SOX5: variants seen among roughly 807,000 people sequenced by gnomAD.
SOX5 encodes transcription factor SOX-5.
In SOX5, 9 loss-of-function variants were observed where a neutral mutation model predicts 92.0. That is an observed-to-expected ratio of 0.10 (90% CI 0.06 to 0.17). The LOEUF (loss-of-function observed/expected upper bound fraction) is 0.17, where lower values mean the gene tolerates loss of function less well. Ranked by LOEUF, SOX5 falls within the 10% of genes least tolerant of loss-of-function variation. The pLI is 1.00. For missense variants in SOX5, 642 were observed against 944.5 expected, an observed-to-expected ratio of 0.68 and a Z score of 4.20; for synonymous variants, 344 against 336.3, an observed-to-expected ratio of 1.02 and a Z score of -0.25.
intron 2 of SOX5, among the ~76,000 whole-genome samples, chr12:24,348,049 C>CAAAAAAAAAAAAAAAA (rs1182462748): frequency 4.1e-5 from 3 of 72,722 alleles, no homozygotes; most frequent in African/African-American, 9.5e-5. Context: ...TACAGCTAAT[C>CAAAAAAAAAAAAAAAA]AAAAAAAAAA....
At chr12:23,631,236 T>G (rs2078494318) in intron 8 of SOX5, among the ~76,000 whole-genome samples, 2 of 152,086 alleles carry the variant, frequency 1.3e-5, no homozygotes, top group African/African-American at 4.8e-5. Context: ...ATAACTCTTA[T>G]TTAGGTAAAA....
intron 4 of SOX5, among the ~76,000 whole-genome samples, chr12:24,048,626 A>G (rs1245881058): frequency 6.6e-6 from 1 of 152,246 alleles, no homozygotes; most frequent in Non-Finnish European, 1.5e-5. Flanking sequence ...TCAACTGATA[A>G]ATGGATAAAT....
intron 8 of SOX5, among the ~76,000 whole-genome samples, chr12:23,636,766 G>A (rs1449383477): frequency 1.3e-5 from 2 of 152,226 alleles, no homozygotes; most frequent in East Asian, 3.9e-4. Flanking sequence ...CAGCATTATT[G>A]TTATAATTTC....
At chr12:23,639,389 T>C (rs952785543) in intron 8 of SOX5, among the ~76,000 whole-genome samples, 3 of 152,200 alleles carry the variant, frequency 2.0e-5, no homozygotes, top group Admixed American at 6.5e-5. Flanking sequence ...GCTAATCCAA[T>C]GGTCAAAGGA....
intron 2 of SOX5, among the ~76,000 whole-genome samples, chr12:24,337,525 A>G (rs1206949530): frequency 1.3e-5 from 2 of 151,862 alleles, no homozygotes; most frequent in Non-Finnish European, 2.9e-5. Context: ...TTTTTAGTAG[A>G]GACAGGGTTT....
chr12:24,171,716 G>T (rs920640853), intron 4 of SOX5, among the ~76,000 whole-genome samples: 1 of 152,048 alleles, frequency 6.6e-6, no homozygotes, highest in Non-Finnish European at 1.5e-5. Flanking sequence ...GGGACCCTTT[G>T]GCCAGGTGCA....
chr12:24,068,680 A>ATG (rs367765179), intron 4 of SOX5, among the ~76,000 whole-genome samples: 1,630 of 62,468 alleles, frequency 0.026, 87 homozygotes, highest in East Asian at 0.086. Context: ...TCAAAGTCGT[A>ATG]TGTGTGTGTG....
intron 2 of SOX5, among the ~76,000 whole-genome samples, chr12:23,886,919 G>T (rs1036105781): frequency 1.3e-5 from 2 of 152,114 alleles, no homozygotes; most frequent in Non-Finnish European, 2.9e-5. Flanking sequence ...AACATAATTT[G>T]GGAAACAATA....
At chr12:24,154,399 G>A (rs980521989) in intron 4 of SOX5, among the ~76,000 whole-genome samples, 5 of 152,122 alleles carry the variant, frequency 3.3e-5, no homozygotes, top group African/African-American at 9.7e-5. Context: ...AGATACATGC[G>A]TAATGCAAAG....
chr12:23,553,347 A>C (rs1592002765), intron 11 of SOX5, among the ~76,000 whole-genome samples: 1 of 151,960 alleles, frequency 6.6e-6, no homozygotes, highest in Admixed American at 6.6e-5. Context: ...AAAATAGAAA[A>C]CCGCTGCCAC....
intron 1 of SOX5, among the ~76,000 whole-genome samples, chr12:24,526,177 A>G (rs71450441): frequency 2.2e-4 from 33 of 152,068 alleles, no homozygotes; most frequent in Non-Finnish European, 4.4e-4. Context: ...AAATTAAACA[A>G]TTTTTCCCAA....
intron 3 of SOX5, among the ~76,000 whole-genome samples, chr12:24,252,107 A>G (rs1170384088): frequency 6.6e-6 from 1 of 152,200 alleles, no homozygotes. Context: ...ATGGTGGGAA[A>G]AGAAAGACAT....
At chr12:23,762,607 C>CAAA in intron 3 of SOX5, 1 of 383,784 alleles carries the variant, frequency 2.6e-6, no homozygotes, top group Non-Finnish European at 4.4e-6. Context: ...CCTGTTAATA[C>CAAA]AAAAAGAAAA....
upstream of SOX5, among the ~76,000 whole-genome samples, chr12:23,951,763 A>T (rs1945678291): frequency 6.6e-6 from 1 of 152,154 alleles, no homozygotes; most frequent in Non-Finnish European, 1.5e-5. Context: ...AAAGCTGTTA[A>T]CAAGGGATGT....
chr12:23,734,813 T>A, intron 5 of SOX5, 61 bp from the exon 6 acceptor site: 1 of 1,338,368 alleles, frequency 7.5e-7, no homozygotes, highest in Non-Finnish European at 1.1e-6. Context: ...GGGAAGTTAC[T>A]AATGTTCTGT....
At chr12:23,724,230 C>T (rs1013270768) in intron 6 of SOX5, among the ~76,000 whole-genome samples, 2 of 151,950 alleles carry the variant, frequency 1.3e-5, no homozygotes, top group Non-Finnish European at 2.9e-5. Flanking sequence ...GGAAGACACC[C>T]CTTCAGTTTA....
intron 6 of SOX5, among the ~76,000 whole-genome samples, chr12:23,703,990 C>A (rs983412505): frequency 6.6e-6 from 1 of 151,906 alleles, no homozygotes; most frequent in Non-Finnish European, 1.5e-5. Context: ...ATAGATTGGG[C>A]ACATGGGTGA....
chr12:24,501,574 C>G (rs1948207865), intron 1 of SOX5, among the ~76,000 whole-genome samples: 1 of 152,126 alleles, frequency 6.6e-6, no homozygotes, highest in African/African-American at 2.4e-5. Flanking sequence ...ACCTGTGATT[C>G]CAACACTTTG....
chr12:23,802,431 G>A (rs563507302), intron 3 of SOX5, among the ~76,000 whole-genome samples: 2 of 152,138 alleles, frequency 1.3e-5, no homozygotes, highest in Admixed American at 6.5e-5. Flanking sequence ...TTATAAGACA[G>A]CAAGTCTATG....
Sources: allele counts gnomAD v4.1 joint callset (sites outside exome capture counted in the v4.1 genomes callset), GRCh38; gene constraint gnomAD v4.1.1; transcripts MANE v1.5; gene names NCBI Gene and HGNC (gene_info 2026-07-23, HGNC 2026-07-21).